Variants in TFEC observed in about 807,000 individuals in gnomAD.
TFEC encodes class E basic helix-loop-helix protein 34.
Under a neutral mutation model 41.6 loss-of-function variants are expected in TFEC, and 31 were observed. The observed-to-expected ratio is 0.74, with a 90% confidence interval of 0.56 to 1.01. The LOEUF (loss-of-function observed/expected upper bound fraction) is 1.01. Among genes scored for constraint, TFEC ranks in the 50% least tolerant of loss-of-function variants. TFEC has a pLI of 0.00. For synonymous variants in TFEC, 143 were observed against 140.6 expected (o/e 1.02, Z -0.12); for missense variants, 402 against 404.1 (o/e 0.99, Z 0.04).
chr7:116,037,898 T>C (rs749354926), intron 3 of TFEC, among the ~76,000 whole-genome samples: 2 of 152,038 alleles, frequency 1.3e-5, no homozygotes, highest in Non-Finnish European at 2.9e-5. Flanking sequence ...GAGGAACACA[T>C]TTAAAATGTG....
At chr7:115,956,920 A>G (rs1270549131) in intron 3 of TFEC, 127 bp from the exon 4 acceptor site, 1 of 540,326 alleles carries the variant, frequency 1.9e-6, no homozygotes, top group Non-Finnish European at 2.9e-6. Flanking sequence ...AATTTGGGGC[A>G]TTTTGCTTTT....
intron 1 of TFEC, among the ~76,000 whole-genome samples, chr7:116,124,043 G>C (rs1443519369): frequency 6.6e-6 from 1 of 152,146 alleles, no homozygotes; most frequent in East Asian, 1.9e-4. Context: ...GGAGAGTACA[G>C]AGTGGGGAAA....
intron 3 of TFEC, among the ~76,000 whole-genome samples, chr7:116,065,931 C>T (rs892339503): frequency 1.3e-5 from 2 of 152,042 alleles, no homozygotes; most frequent in Non-Finnish European, 2.9e-5. Context: ...GAGAAGAGGG[C>T]TTCCTAGGCA....
chr7:116,012,843 A>C (rs1000428293), intron 1 of TFEC, among the ~76,000 whole-genome samples: 2 of 145,822 alleles, frequency 1.4e-5, no homozygotes, highest in African/African-American at 2.6e-5. Flanking sequence ...AAAAAAAAAA[A>C]ACCCAAACAA....
At chr7:116,044,499 A>C (rs958955213) in intron 3 of TFEC, among the ~76,000 whole-genome samples, 1 of 152,194 alleles carries the variant, frequency 6.6e-6, no homozygotes, top group East Asian at 1.9e-4. Flanking sequence ...ACCTACACTT[A>C]TTTTGTGATA....
At chr7:115,968,312 A>C in intron 3 of TFEC, 2 of 1,494,714 alleles carry the variant, frequency 1.3e-6, no homozygotes, top group Non-Finnish European at 1.8e-6. Flanking sequence ...TCTACACTAA[A>C]GTGAACTTTG....
At chr7:116,131,306 T>A (rs1410800552) in intron 1 of TFEC, among the ~76,000 whole-genome samples, 1 of 152,160 alleles carries the variant, frequency 6.6e-6, no homozygotes, top group Non-Finnish European at 1.5e-5. Context: ...CCATGTGCCT[T>A]TGAACAGGGC....
chr7:115,963,064 A>C, intron 3 of TFEC, among the ~76,000 whole-genome samples: 1 of 149,068 alleles, frequency 6.7e-6, no homozygotes, highest in South Asian at 2.1e-4. Context: ...ATGTGATCTC[A>C]TTGTTCAACT....
intron 3 of TFEC, among the ~76,000 whole-genome samples, chr7:116,076,528 T>C (rs560774972): frequency 1.3e-5 from 2 of 151,926 alleles, no homozygotes; most frequent in South Asian, 4.2e-4. Flanking sequence ...AAAAACATGA[T>C]ACAGGATATG....
chr7:116,029,020 T>C (rs1795690336), intron 1 of TFEC, among the ~76,000 whole-genome samples: 1 of 152,186 alleles, frequency 6.6e-6, no homozygotes, highest in South Asian at 2.1e-4. Context: ...TATCTAGAAC[T>C]TACAACAAAC....
intron 3 of TFEC, among the ~76,000 whole-genome samples, chr7:116,076,543 G>GA (rs1796964715): frequency 6.6e-6 from 1 of 151,718 alleles, no homozygotes; most frequent in African/African-American, 2.4e-5. Flanking sequence ...GATATGAAGG[G>GA]AAAAATCTTC....
intron 3 of TFEC, among the ~76,000 whole-genome samples, chr7:116,082,853 C>A (rs1215220565): frequency 6.6e-6 from 1 of 151,796 alleles, no homozygotes; most frequent in African/African-American, 2.4e-5. Context: ...CTGTTCAATG[C>A]ATTTTAATAG....
At chr7:116,149,629 T>C (rs903375062) in intron 1 of TFEC, among the ~76,000 whole-genome samples, 4 of 152,150 alleles carry the variant, frequency 2.6e-5, no homozygotes, top group African/African-American at 9.6e-5. Context: ...AAGTACACAG[T>C]GGAGAAAATT....
chr7:116,083,028 A>G (rs1797125622), intron 3 of TFEC, among the ~76,000 whole-genome samples: 1 of 151,960 alleles, frequency 6.6e-6, no homozygotes, highest in Non-Finnish European at 1.5e-5. Context: ...AATAAAGATA[A>G]TGAAATAAAT....
At chr7:116,086,797 G>C (rs1385828387) in intron 3 of TFEC, among the ~76,000 whole-genome samples, 1 of 151,790 alleles carries the variant, frequency 6.6e-6, no homozygotes, top group Non-Finnish European at 1.5e-5. Context: ...TAAACTACTA[G>C]TAAACAGCTT....
upstream of TFEC, chr7:116,030,922 C>T: frequency 1.4e-6 from 1 of 716,514 alleles, no homozygotes; most frequent in Non-Finnish European, 1.7e-6. Flanking sequence ...TGAAATATGC[C>T]ACTAATTTGA....
chr7:115,946,395 A>ACGTGTG (rs1380562449), intron 6 of TFEC, among the ~76,000 whole-genome samples: 1 of 88,760 alleles, frequency 1.1e-5, no homozygotes, highest in Non-Finnish European at 2.3e-5. Flanking sequence ...CAGAAACATA[A>ACGTGTG]CGTGTGTGTG....
chr7:116,108,250 T>C (rs1313559008), intron 3 of TFEC, among the ~76,000 whole-genome samples: 1 of 152,120 alleles, frequency 6.6e-6, no homozygotes, highest in Non-Finnish European at 1.5e-5. Flanking sequence ...GTCAATGAAA[T>C]AGTCTTATTT....
At chr7:116,129,590 T>C (rs1236530635) in intron 1 of TFEC, among the ~76,000 whole-genome samples, 2 of 141,152 alleles carry the variant, frequency 1.4e-5, no homozygotes, top group East Asian at 4.0e-4. Context: ...TTCTTACTTT[T>C]TTTTTTTTTT....
Sources: allele counts gnomAD v4.1 joint callset (sites outside exome capture counted in the v4.1 genomes callset), GRCh38; gene constraint gnomAD v4.1.1; transcripts MANE v1.5; gene names NCBI Gene and HGNC (gene_info 2026-07-23, HGNC 2026-07-21).